The following PRKAR2B variants were observed in gnomAD, a reference collection of about 807,000 sequenced individuals.
PRKAR2B encodes protein kinase cAMP-dependent type II regulatory subunit beta.
PRKAR2B carries 14 observed loss-of-function variants against 49.9 expected under a neutral mutation model. The ratio of observed to expected loss-of-function variants is 0.28; its 90% CI spans 0.19 to 0.44. The LOEUF is 0.44. Ranked by LOEUF, PRKAR2B falls within the 20% of genes least tolerant of loss-of-function variation. The probability of loss-of-function intolerance (pLI) is 1.00; values close to 1 mark genes in which losing one functional copy is unlikely to be tolerated. For synonymous variants in PRKAR2B, 196 were observed against 197.7 expected (o/e 0.99, Z 0.07); for missense variants, 393 against 537.9 (o/e 0.73, Z 2.67).
rs1796175115 is a variant in PRKAR2B, at chr7:107,160,274, T to A, written c.*692T>A. On this transcript the variant is annotated 3_prime_UTR_variant, in exon 11 of 11. Coordinates refer to ENST00000265717, the MANE Select transcript of PRKAR2B (RefSeq NM_002736.3). ...GGAAAACAGTGTTTTAGATGAGAGA[T>A]CATTAATGCATTTTTCCCTCATCAA... 6.6e-6 allele frequency: 1 copy of A among 152,598 alleles called. No individual in the cohort carries two copies. Among genetic ancestry groups the A allele is most frequent in the Non-Finnish European group, 1.5e-5 (1 of 68,024 alleles). 9.5% of individuals were successfully genotyped at this position (152,598 alleles called of 1,614,324 possible). A position where few individuals can be genotyped will look rare whatever the true frequency, so the allele number is the denominator to read the frequency against.
intron 1 of PRKAR2B, among the ~76,000 whole-genome samples, chr7:107,046,053 A>G (rs1793687081): frequency 6.6e-6 from 1 of 152,254 alleles, no homozygotes; most frequent in Non-Finnish European, 1.5e-5. Context: ...CAGTAGAGCT[A>G]GAAAGAATGA....
chr7:107,070,225 G>T, intron 1 of PRKAR2B, 56 bp from the exon 2 acceptor site: 1 of 1,377,042 alleles, frequency 7.3e-7, no homozygotes. Flanking sequence ...GCCTTTTCAG[G>T]GTTTTGGGAA....
intron 2 of PRKAR2B, among the ~76,000 whole-genome samples, chr7:107,113,567 A>T (rs1323096052): frequency 6.6e-6 from 1 of 152,198 alleles, no homozygotes; most frequent in Non-Finnish European, 1.5e-5. Flanking sequence ...AGAGAACAGC[A>T]TTGAGGAATT....
At chr7:107,050,570 T>A (rs1212972400) in intron 1 of PRKAR2B, among the ~76,000 whole-genome samples, 1 of 151,970 alleles carries the variant, frequency 6.6e-6, no homozygotes, top group African/African-American at 2.4e-5. Flanking sequence ...CAATTTGGGG[T>A]TTATTTTTGA....
intron 3 of PRKAR2B, 88 bp downstream of exon 3, chr7:107,122,092 G>A (rs920506882): frequency 2.3e-6 from 2 of 876,000 alleles, no homozygotes; most frequent in East Asian, 5.4e-5. Context: ...TAACAGGCAT[G>A]TAGGTTAACA....
At position 107,045,131 on chromosome 7, in the gene PRKAR2B, A is replaced by G. The variant is rs772564376; in HGVS notation, c.224A>G (p.Asn75Ser). The G allele has an allele frequency of 1.8e-5, 27 of 1,521,708 alleles. No homozygotes were observed. The highest frequency in any genetic ancestry group is 8.0e-5 in the Admixed American group (4 of 50,218). 94.3% of individuals were successfully genotyped at this position (1,521,708 alleles called of 1,614,324 possible). Residue 75 changes from asparagine to serine, a missense_variant, in exon 1 of 11, where the codon AAC (asparagine) becomes AGC (serine). Asn to Ser is a conservative substitution (Grantham distance 46). Transcript: ENST00000265717. Reference sequence around the variant, plus strand: ...GGCGGCACCCCCAGCAAGGGGGTCAACTTCGCCGAGGAGCCCATGCAGTCC... The same window carrying G: ...GGCGGCACCCCCAGCAAGGGGGTCAGCTTCGCCGAGGAGCCCATGCAGTCC... The part of the protein sequence containing the change: ...AGGGTPSKGV[N>S]FAEEPMQSDS...
intron 1 of PRKAR2B, 66 bp downstream of exon 1, chr7:107,045,280 T>A (rs1793667746): frequency 1.5e-6 from 2 of 1,331,930 alleles, no homozygotes. Context: ...CTCCCCGCTG[T>A]GCTCTCGGAT....
intron 2 of PRKAR2B, among the ~76,000 whole-genome samples, chr7:107,103,075 A>G (rs1795007122): frequency 6.6e-6 from 1 of 152,222 alleles, no homozygotes; most frequent in African/African-American, 2.4e-5. Context: ...CATATTTCAA[A>G]CATAAGAAGG....
chr7:107,084,375 G>A (rs1241341854), intron 2 of PRKAR2B, among the ~76,000 whole-genome samples: 3 of 148,834 alleles, frequency 2.0e-5, no homozygotes, highest in Non-Finnish European at 4.5e-5. Context: ...TAAATGTTAT[G>A]TTATTATCTT....
intron 1 of PRKAR2B, among the ~76,000 whole-genome samples, chr7:107,049,353 A>C (rs192205630): frequency 1.3e-5 from 2 of 152,358 alleles, no homozygotes; most frequent in Admixed American, 1.3e-4. Flanking sequence ...AAAGATCTAG[A>C]GTTCAAAGTA....
intron 2 of PRKAR2B, among the ~76,000 whole-genome samples, chr7:107,107,314 G>T (rs1215253044): frequency 6.6e-6 from 1 of 151,920 alleles, no homozygotes; most frequent in Non-Finnish European, 1.5e-5. Context: ...TCCAGCCTGG[G>T]CGACAGAGTG....
chr7:107,142,739 G>T (rs1205665519), intron 5 of PRKAR2B, among the ~76,000 whole-genome samples: 1 of 151,300 alleles, frequency 6.6e-6, no homozygotes, highest in African/African-American at 2.4e-5. Flanking sequence ...GAAGAAGTCT[G>T]TGTGAAAAAA....
intron 1 of PRKAR2B, among the ~76,000 whole-genome samples, chr7:107,054,022 C>T (rs189137991): frequency 6.6e-6 from 1 of 152,098 alleles, no homozygotes; most frequent in Non-Finnish European, 1.5e-5. Context: ...GAAAGAAAGG[C>T]AATTCTTTTG....
intron 2 of PRKAR2B, among the ~76,000 whole-genome samples, chr7:107,087,467 G>A (rs1794643079): frequency 1.3e-5 from 2 of 152,146 alleles, no homozygotes; most frequent in Non-Finnish European, 2.9e-5. Context: ...CTTACTGTGA[G>A]CCAGGAGCTT....
intron 4 of PRKAR2B, 25 bp from the exon 5 acceptor site, chr7:107,140,822 T>C: frequency 6.6e-7 from 1 of 1,521,306 alleles, no homozygotes; most frequent in Non-Finnish European, 9.1e-7. Flanking sequence ...ACATAAAGAT[T>C]ATATCCCATC....
intron 8 of PRKAR2B, among the ~76,000 whole-genome samples, chr7:107,155,919 T>C (rs940877311): frequency 6.6e-6 from 1 of 152,306 alleles, no homozygotes; most frequent in African/African-American, 2.4e-5. Flanking sequence ...TGGAGTACTA[T>C]GCAGCCATAA....
At chr7:107,139,915 C>T (rs961235141) in intron 4 of PRKAR2B, among the ~76,000 whole-genome samples, 1 of 152,186 alleles carries the variant, frequency 6.6e-6, no homozygotes, top group Non-Finnish European at 1.5e-5. Context: ...TTGATTTTGG[C>T]ATGGGCAGTT....
chr7:107,115,168 G>C (rs1795250354), intron 2 of PRKAR2B, among the ~76,000 whole-genome samples: 1 of 152,108 alleles, frequency 6.6e-6, no homozygotes, highest in Non-Finnish European at 1.5e-5. Flanking sequence ...AGTGGTTTGT[G>C]AATGGCTAAT....
At chr7:107,110,392 A>G (rs1449766555) in intron 2 of PRKAR2B, among the ~76,000 whole-genome samples, 1 of 152,048 alleles carries the variant, frequency 6.6e-6, no homozygotes, top group African/African-American at 2.4e-5. Flanking sequence ...GCTCAGAGCC[A>G]TTGGACTGGA....
Sources: allele counts gnomAD v4.1 joint callset (sites outside exome capture counted in the v4.1 genomes callset), GRCh38; gene constraint gnomAD v4.1.1; transcripts MANE v1.5; gene names NCBI Gene and HGNC (gene_info 2026-07-23, HGNC 2026-07-21).